The following CCDC160 variants were observed in gnomAD, a reference collection of about 807,000 sequenced individuals.
CCDC160 encodes the protein coiled-coil domain containing 160.
For missense variants in CCDC160, 227 were observed against 215.6 expected (o/e 1.05, Z -0.33); for synonymous variants, 94 against 79.4 (o/e 1.18, Z -0.98).
At chrX:134,246,743 CTT>C (rs76972530), downstream of CCDC160, among the ~76,000 whole-genome samples, 8,729 of 111,981 alleles carry the variant, frequency 0.078, 344 homozygotes, top group East Asian at 0.2. Flanking sequence ...CCAGTTGACT[CTT>C]TACCATTTGT....
At chrX:134,238,951 C>T (rs911420449) in intron 1 of CCDC160, 111 bp downstream of exon 2, 1 of 111,364 alleles carries the variant, frequency 9.0e-6, no homozygotes, top group Non-Finnish European at 1.9e-5. Context: ...TCAGTAAGCT[C>T]TCAGGAAGGC....
chrX:134,245,103 T>C, exon 2 of CCDC160: 1 of 1,188,465 alleles, frequency 8.4e-7, no homozygotes, highest in Non-Finnish European at 1.1e-6. Flanking sequence ...ATGAATCATC[T>C]AATGTGGATG....
At chrX:134,245,491 A>C in exon 2 of CCDC160, 1 of 1,193,693 alleles carries the variant, frequency 8.4e-7, no homozygotes, top group Non-Finnish European at 1.1e-6. Context: ...CAAAGAAGTC[A>C]TCCACAAATT....
At chrX:134,238,071 C>G (rs760528460) in intron 1 of CCDC160, among the ~76,000 whole-genome samples, 1 of 111,857 alleles carries the variant, frequency 8.9e-6, no homozygotes, top group Non-Finnish European at 1.9e-5. Context: ...TAACTACACT[C>G]TGAGGGAGGG....
chrX:134,238,367 C>CTTTTTTTTTT (rs1161935568), intron 1 of CCDC160, among the ~76,000 whole-genome samples: 1 of 75,536 alleles, frequency 1.3e-5, no homozygotes, highest in Non-Finnish European at 2.5e-5. Flanking sequence ...TATCACTTGT[C>CTTTTTTTTTT]TTTTTTTTTT....
intron 1 of CCDC160, among the ~76,000 whole-genome samples, chrX:134,243,868 G>T (rs989050976): frequency 9.0e-6 from 1 of 111,648 alleles, no homozygotes; most frequent in Non-Finnish European, 1.9e-5. Context: ...TACTGCTCTG[G>T]TTCTTCTTTC....
At chrX:134,239,914 A>G (rs1025851315) in intron 1 of CCDC160, among the ~76,000 whole-genome samples, 58 of 112,083 alleles carry the variant, frequency 5.2e-4, no homozygotes, top group African/African-American at 1.9e-3. Context: ...TTTTTCCACC[A>G]TAGTCCACAC....
At chrX:134,242,239 T>C (rs2077029627) in intron 1 of CCDC160, among the ~76,000 whole-genome samples, 1 of 111,809 alleles carries the variant, frequency 8.9e-6, no homozygotes, top group South Asian at 3.7e-4. Context: ...CCTCCCCCCT[T>C]CACTTTTCCT....
At chrX:134,242,587 GCA>G (rs1491205441) in intron 1 of CCDC160, among the ~76,000 whole-genome samples, 1 of 109,750 alleles carries the variant, frequency 9.1e-6, no homozygotes, top group Non-Finnish European at 1.9e-5. Context: ...GTGTGTGTGT[GCA>G]TGTGTGCATA....
chrX:134,239,288 C>A (rs11795577), intron 1 of CCDC160, among the ~76,000 whole-genome samples: 2 of 111,830 alleles, frequency 1.8e-5, no homozygotes, highest in Non-Finnish European at 3.8e-5. Context: ...ATTCAGAGTG[C>A]AAAATCATCC....
At chrX:134,244,135 A>G (rs1569477814) in intron 1 of CCDC160, among the ~76,000 whole-genome samples, 1 of 111,995 alleles carries the variant, frequency 8.9e-6, no homozygotes, top group East Asian at 2.8e-4. Flanking sequence ...GATTCTCCTC[A>G]TGAAATTGCT....
rs1161935568 is a variant in CCDC160 at position 134,238,367 on chromosome X, CT to C, written c.-25+1047del. Reference sequence around the variant, plus strand: ...ATGACATTCTAAATATATCACTTGTCTTTTTTTTTTTTTTTTTTTTTTTGAG... The same window carrying C: ...ATGACATTCTAAATATATCACTTGTCTTTTTTTTTTTTTTTTTTTTTTGAG... On this transcript the variant is annotated intron_variant, in intron 1 of 1. Transcript: ENST00000370809. 9.9e-3 allele frequency among the ~76,000 whole-genome samples: 744 copies of C among 75,474 alleles called. 1 individual carries two copies. The highest frequency in any genetic ancestry group is 0.021 in the African/African-American group (414 of 20,017). The allele number at this position is 75,474 out of a possible 115,157, so 65.5% of individuals were successfully genotyped here.
intron 1 of CCDC160, 100 bp from the exon 3 acceptor site, chrX:134,244,677 T>C: frequency 6.2e-6 from 5 of 803,540 alleles, no homozygotes; most frequent in Non-Finnish European, 8.4e-6. Flanking sequence ...CTCAAATGTT[T>C]AGATTCTTCA....
intron 1 of CCDC160, among the ~76,000 whole-genome samples, chrX:134,242,100 A>AG (rs2077029182): frequency 9.0e-6 from 1 of 111,224 alleles, no homozygotes; most frequent in Admixed American, 9.6e-5. Flanking sequence ...GAAAGAGAGA[A>AG]GAAAAAAAAA....
At chrX:134,240,867 G>A (rs144012582) in intron 1 of CCDC160, among the ~76,000 whole-genome samples, 11 of 106,272 alleles carry the variant, frequency 1.0e-4, no homozygotes, top group Admixed American at 1.0e-3. Flanking sequence ...TTGTAGACAC[G>A]CATCTCACTA....
At chrX:134,240,292 G>C (rs2077023098) in intron 1 of CCDC160, among the ~76,000 whole-genome samples, 1 of 112,360 alleles carries the variant, frequency 8.9e-6, no homozygotes, top group South Asian at 3.7e-4. Flanking sequence ...TGGTGGAGCA[G>C]TTTTTCTAAG....
At chrX:134,238,032 C>T (rs1037324262) in intron 1 of CCDC160, among the ~76,000 whole-genome samples, 1 of 111,672 alleles carries the variant, frequency 9.0e-6, no homozygotes, top group Non-Finnish European at 1.9e-5. Context: ...CTTCCCTTTT[C>T]GATGTTTTTT....
chrX:134,239,706 A>G (rs1188017755), intron 1 of CCDC160, among the ~76,000 whole-genome samples: 1 of 111,495 alleles, frequency 9.0e-6, no homozygotes, highest in African/African-American at 3.3e-5. Context: ...GTTTATGTTC[A>G]AAGGGAGGGT....
downstream of CCDC160, among the ~76,000 whole-genome samples, chrX:134,246,489 G>C (rs1252911682): frequency 9.0e-6 from 1 of 111,122 alleles, no homozygotes; most frequent in Admixed American, 9.6e-5. Context: ...GACCAGTAAG[G>C]GGCATTGTTT....
Sources: allele counts gnomAD v4.1 joint callset (sites outside exome capture counted in the v4.1 genomes callset), GRCh38; gene constraint gnomAD v4.1.1; transcripts MANE v1.5; gene names NCBI Gene and HGNC (gene_info 2026-07-23, HGNC 2026-07-21).